The following PIP5K1B variants were observed in gnomAD, a reference collection of about 807,000 sequenced individuals.
PIP5K1B encodes phosphatidylinositol 4-phosphate 5-kinase type-1 beta.
A neutral mutation model predicts 67.0 loss-of-function variants in PIP5K1B; 42 were observed. The ratio of observed to expected loss-of-function variants is 0.63; its 90% CI spans 0.49 to 0.81. The LOEUF (loss-of-function observed/expected upper bound fraction) is 0.81. PIP5K1B is among the 30% of genes least tolerant of loss of function. The pLI is 0.00. For missense variants in PIP5K1B, 459 were observed against 646.3 expected (o/e 0.71, Z 3.14); for synonymous variants, 214 against 231.4 (o/e 0.92, Z 0.68).
At chr9:68,906,548 G>A (rs957023958) in intron 8 of PIP5K1B, among the ~76,000 whole-genome samples, 3 of 152,214 alleles carry the variant, frequency 2.0e-5, no homozygotes, top group Non-Finnish European at 4.4e-5. Flanking sequence ...TCAGAAATGT[G>A]TTTTAAAAGG....
At chr9:68,963,004 T>C (rs1271925601) in intron 14 of PIP5K1B, among the ~76,000 whole-genome samples, 2 of 152,220 alleles carry the variant, frequency 1.3e-5, no homozygotes, top group Non-Finnish European at 1.5e-5. Context: ...ATGCCACCCT[T>C]CTTTTACTTT....
chr9:68,955,272 A>G (rs141990168), intron 14 of PIP5K1B, among the ~76,000 whole-genome samples: 1 of 152,360 alleles, frequency 6.6e-6, no homozygotes, highest in East Asian at 1.9e-4. Flanking sequence ...AAAAGTGACA[A>G]TGTTGCTTCA....
chr9:68,949,101 A>G (rs1352264549), intron 14 of PIP5K1B, among the ~76,000 whole-genome samples: 1 of 152,198 alleles, frequency 6.6e-6, no homozygotes, highest in African/African-American at 2.4e-5. Context: ...AACTGACAAA[A>G]AAAAAAAGAC....
At chr9:68,718,912 G>A (rs1472298511) in intron 1 of PIP5K1B, among the ~76,000 whole-genome samples, 1 of 152,006 alleles carries the variant, frequency 6.6e-6, no homozygotes, top group Non-Finnish European at 1.5e-5. Flanking sequence ...AAAGTCCATT[G>A]TGATTTTGGG....
At chr9:68,819,152 A>G (rs747967759) in intron 3 of PIP5K1B, among the ~76,000 whole-genome samples, 1 of 152,226 alleles carries the variant, frequency 6.6e-6, no homozygotes, top group Non-Finnish European at 1.5e-5. Flanking sequence ...GTTCCAAAAC[A>G]TCTGCATCAC....
chr9:68,824,178 T>C (rs370766045), intron 4 of PIP5K1B: 1 of 519,022 alleles, frequency 1.9e-6, no homozygotes, highest in Non-Finnish European at 3.8e-6. Context: ...ACAGAGATGA[T>C]TACGTTGCTA....
chr9:68,961,399 A>G (rs1259306822), intron 14 of PIP5K1B, among the ~76,000 whole-genome samples: 1 of 152,228 alleles, frequency 6.6e-6, no homozygotes, highest in Non-Finnish European at 1.5e-5. Context: ...TGAATATACC[A>G]AAAGCCATTG....
At chr9:68,983,690 A>G (rs1191860120) in intron 14 of PIP5K1B, among the ~76,000 whole-genome samples, 1 of 152,220 alleles carries the variant, frequency 6.6e-6, no homozygotes, top group Non-Finnish European at 1.5e-5. Flanking sequence ...ATGGCAGTGC[A>G]TTACAGGCCT....
intron 8 of PIP5K1B, among the ~76,000 whole-genome samples, chr9:68,904,348 T>G (rs898885767): frequency 2.0e-5 from 3 of 152,194 alleles, no homozygotes; most frequent in Admixed American, 1.3e-4. Flanking sequence ...GCAGATGCTG[T>G]AGGAGTCAGG....
intron 6 of PIP5K1B, among the ~76,000 whole-genome samples, chr9:68,877,690 C>T (rs1003113894): frequency 6.6e-6 from 1 of 152,132 alleles, no homozygotes; most frequent in African/African-American, 2.4e-5. Context: ...TAATTAAAAG[C>T]TGATTCTACT....
chr9:68,919,362 C>T, intron 9 of PIP5K1B, 117 bp from the exon 10 acceptor site: 1 of 582,544 alleles, frequency 1.7e-6, no homozygotes, highest in Non-Finnish European at 3.0e-6. Context: ...TGGGAGATAG[C>T]CCAGAATTCT....
At chr9:68,737,894 A>G (rs1391480569) in intron 1 of PIP5K1B, among the ~76,000 whole-genome samples, 1 of 152,250 alleles carries the variant, frequency 6.6e-6, no homozygotes, top group East Asian at 1.9e-4. Flanking sequence ...GGGCTTCTAT[A>G]TTGGAAGATA....
chr9:68,779,974 CAT>C (rs1831143493), intron 2 of PIP5K1B: 1 of 667,112 alleles, frequency 1.5e-6, no homozygotes, highest in Non-Finnish European at 2.3e-6. Flanking sequence ...CTGCCGCGCA[CAT>C]ATTACGCATT....
At chr9:68,814,466 A>AGACATACAG (rs1399721145) in intron 2 of PIP5K1B, among the ~76,000 whole-genome samples, 3 of 152,200 alleles carry the variant, frequency 2.0e-5, no homozygotes, top group African/African-American at 7.2e-5. Context: ...AAAATGAAGT[A>AGACATACAG]GACATACAGG....
At chr9:68,926,914 C>T (rs1236029650) in intron 12 of PIP5K1B, among the ~76,000 whole-genome samples, 1 of 152,124 alleles carries the variant, frequency 6.6e-6, no homozygotes, top group Non-Finnish European at 1.5e-5. Flanking sequence ...AAAAGAAACC[C>T]CATACCCATT....
chr9:68,723,850 G>C (rs944794254), intron 1 of PIP5K1B, among the ~76,000 whole-genome samples: 3 of 151,798 alleles, frequency 2.0e-5, no homozygotes, highest in Non-Finnish European at 4.4e-5. Flanking sequence ...TTCCTTTGCT[G>C]TGCAGAAGCT....
chr9:68,910,268 G>A (rs1017420754), intron 8 of PIP5K1B, among the ~76,000 whole-genome samples: 10 of 152,186 alleles, frequency 6.6e-5, no homozygotes, highest in African/African-American at 2.4e-4. Context: ...ATAAATATCA[G>A]CTTGATTTTT....
At chr9:68,921,481 TC>T in intron 11 of PIP5K1B, among the ~76,000 whole-genome samples, 1 of 152,200 alleles carries the variant, frequency 6.6e-6, no homozygotes, top group East Asian at 1.9e-4. Flanking sequence ...CTCATTCCAT[TC>T]CCCTCCTGTT....
intron 4 of PIP5K1B, 138 bp from the exon 5 acceptor site, chr9:68,863,699 T>A (rs1021928421): frequency 3.3e-6 from 2 of 606,992 alleles, no homozygotes; most frequent in Admixed American, 5.9e-5. Flanking sequence ...AAGCAACTTA[T>A]CATCTTGCCA....
Sources: allele counts gnomAD v4.1 joint callset (sites outside exome capture counted in the v4.1 genomes callset), GRCh38; gene constraint gnomAD v4.1.1; transcripts MANE v1.5; gene names NCBI Gene and HGNC (gene_info 2026-07-23, HGNC 2026-07-21).